ERBB4: variants seen among roughly 807,000 people sequenced by gnomAD.
The protein encoded by ERBB4 is erb-b2 receptor tyrosine kinase 4.
ERBB4 carries 42 observed loss-of-function variants against 158.0 expected under a neutral mutation model. The observed-to-expected ratio is 0.27, with a 90% CI of 0.21 to 0.34. The LOEUF (loss-of-function observed/expected upper bound fraction) is 0.34. Among genes scored for constraint, ERBB4 ranks in the 10% least tolerant of loss-of-function variants. The probability of loss-of-function intolerance (pLI) is 1.00; values close to 1 mark genes in which losing one functional copy is unlikely to be tolerated. For missense variants in ERBB4, 1,333 were observed against 1,624.1 expected (o/e 0.82, Z 3.08); for synonymous variants, 583 against 558.7 (o/e 1.04, Z -0.61).
intron 2 of ERBB4, among the ~76,000 whole-genome samples, chr2:212,025,022 T>C (rs764573198): frequency 9.9e-5 from 15 of 151,936 alleles, no homozygotes; most frequent in Non-Finnish European, 2.1e-4. Context: ...AAAATAAACA[T>C]GTACCATTAA....
rs1574480637 is a variant in ERBB4 at position 212,230,473 on chromosome 2, T to C, written c.83-105570A>G. On this transcript the variant is annotated intron_variant, in intron 1 of 27. Transcript: ENST00000342788. ...TCAGAGGCTATTGAGGTAAAATATATTTTTGTCAAATTGCCAAATTCATTG... is the reference window on the plus strand; with the variant it reads ...TCAGAGGCTATTGAGGTAAAATATACTTTTGTCAAATTGCCAAATTCATTG... Among the ~76,000 whole-genome samples, 5 of 152,258 alleles carry C rather than the reference T, an allele frequency of 3.3e-5. No individual in the cohort carries two copies. The East Asian group carries it at 7.7e-4, about 24-fold the overall frequency.
intron 1 of ERBB4, among the ~76,000 whole-genome samples, chr2:212,190,529 T>C (rs2082157021): frequency 2.4e-5 from 2 of 83,618 alleles, no homozygotes; most frequent in Non-Finnish European, 2.5e-5. Context: ...AGAGCGAGAC[T>C]CCGTCTCAAA....
chr2:212,121,967 C>T (rs2079764014), intron 2 of ERBB4, among the ~76,000 whole-genome samples: 1 of 151,888 alleles, frequency 6.6e-6, no homozygotes, highest in African/African-American at 2.4e-5. Flanking sequence ...CACTCCACCC[C>T]TACCATTAAC....
At chr2:211,499,225 T>C (rs2065553337) in intron 20 of ERBB4, among the ~76,000 whole-genome samples, 1 of 152,020 alleles carries the variant, frequency 6.6e-6, no homozygotes, top group Admixed American at 6.6e-5. Context: ...ATTTTAGAGA[T>C]GAGAAAACTG....
intron 2 of ERBB4, among the ~76,000 whole-genome samples, chr2:212,101,386 C>T (rs920641078): frequency 1.3e-5 from 1 of 76,646 alleles, no homozygotes; most frequent in African/African-American, 5.4e-5. Context: ...TTTCAAACTA[C>T]TTTTAACATA....
intron 1 of ERBB4, among the ~76,000 whole-genome samples, chr2:212,446,753 G>A (rs564108055): frequency 4.0e-4 from 59 of 148,764 alleles, no homozygotes; most frequent in African/African-American, 1.4e-3. Flanking sequence ...GGCTCCATGT[G>A]CTTCACTAGT....
At chr2:211,871,546 C>T (rs1212758670) in intron 3 of ERBB4, among the ~76,000 whole-genome samples, 3 of 141,596 alleles carry the variant, frequency 2.1e-5, no homozygotes, top group African/African-American at 5.3e-5. Context: ...GTCATTCAGA[C>T]TTTATTGTGG....
At chr2:211,565,053 G>A (rs747736294) in intron 19 of ERBB4, among the ~76,000 whole-genome samples, 1 of 152,156 alleles carries the variant, frequency 6.6e-6, no homozygotes, top group Non-Finnish European at 1.5e-5. Context: ...GAGGGGAGTG[G>A]ATGATGAGAG....
chr2:212,354,645 CAG>C (rs2089396889), intron 1 of ERBB4, among the ~76,000 whole-genome samples: 1 of 152,074 alleles, frequency 6.6e-6, no homozygotes, highest in Admixed American at 6.6e-5. Flanking sequence ...TGTTTACAGA[CAG>C]AGAGTGAGGT....
At chr2:211,535,069 C>T (rs2125671291) in intron 20 of ERBB4, among the ~76,000 whole-genome samples, 1 of 152,120 alleles carries the variant, frequency 6.6e-6, no homozygotes, top group Admixed American at 6.5e-5. Context: ...TCCTGAACTG[C>T]TCAGGAGTTT....
At chr2:211,634,149 A>C (rs1192669595) in intron 16 of ERBB4, among the ~76,000 whole-genome samples, 1 of 152,238 alleles carries the variant, frequency 6.6e-6, no homozygotes, top group East Asian at 1.9e-4. Flanking sequence ...CTTTTGAAAT[A>C]AAAGTTTATT....
In ERBB4 at chr2:212,199,624, G is replaced by T. The variant is rs79226824; in HGVS notation, c.83-74721C>A. On this transcript the variant is annotated intron_variant, in intron 1 of 27. Transcript: ENST00000342788. ...GGTTATAATGCATTATAGAGAGCCT[G>T]GTTTATCTTGAGACCAGCTTTATCT... is the stretch of plus-strand genomic sequence containing the variant. 8.9e-3 allele frequency among the ~76,000 whole-genome samples: 1,350 copies of T among 152,164 alleles called. 23 individuals carry two copies. Among genetic ancestry groups the T allele is most frequent in the African/African-American group, 0.031 (1,308 of 41,530 alleles).
At chr2:212,171,986 C>T (rs1405904704) in intron 1 of ERBB4, among the ~76,000 whole-genome samples, 1 of 152,048 alleles carries the variant, frequency 6.6e-6, no homozygotes, top group Non-Finnish European at 1.5e-5. Flanking sequence ...AACAGCCAAC[C>T]TACAGAATGG....
intron 2 of ERBB4, among the ~76,000 whole-genome samples, chr2:212,019,635 C>T (rs2076603051): frequency 6.6e-6 from 1 of 151,382 alleles, no homozygotes; most frequent in African/African-American, 2.4e-5. Context: ...TGGTGGCGGG[C>T]GCCTGTAATC....
chr2:212,404,457 G>A (rs1220603104), intron 1 of ERBB4, among the ~76,000 whole-genome samples: 5 of 151,918 alleles, frequency 3.3e-5, no homozygotes, highest in East Asian at 1.9e-4. Flanking sequence ...CAATGACTAT[G>A]TGCCCAACAC....
intron 25 of ERBB4, among the ~76,000 whole-genome samples, chr2:211,411,154 ACCTCAGCCT>A (rs2063250999): frequency 6.6e-6 from 1 of 152,138 alleles, no homozygotes; most frequent in Non-Finnish European, 1.5e-5. Flanking sequence ...TGATCCACCC[ACCTCAGCCT>A]CCCAAAGTGC....
At chr2:211,793,066 C>T (rs1009189996) in intron 3 of ERBB4, among the ~76,000 whole-genome samples, 7 of 151,700 alleles carry the variant, frequency 4.6e-5, no homozygotes, top group Admixed American at 2.6e-4. Flanking sequence ...TTAATATGAC[C>T]CCTTTACTAG....
At chr2:211,565,157 T>C (rs1318712311) in intron 19 of ERBB4, among the ~76,000 whole-genome samples, 1 of 152,188 alleles carries the variant, frequency 6.6e-6, no homozygotes, top group Non-Finnish European at 1.5e-5. Context: ...AAAATTATAC[T>C]TGTACTCCAT....
intron 3 of ERBB4, among the ~76,000 whole-genome samples, chr2:211,916,125 T>A (rs2079682527): frequency 6.6e-6 from 1 of 151,880 alleles, no homozygotes; most frequent in Non-Finnish European, 1.5e-5. Context: ...TCTCAAACAG[T>A]AGAAATAAGC....
Sources: allele counts gnomAD v4.1 joint callset (sites outside exome capture counted in the v4.1 genomes callset), GRCh38; gene constraint gnomAD v4.1.1; transcripts MANE v1.5; gene names NCBI Gene and HGNC (gene_info 2026-07-23, HGNC 2026-07-21).